The following TRHDE variants were observed in gnomAD, a reference collection of about 807,000 sequenced individuals.
TRHDE encodes thyrotropin-releasing hormone-degrading ectoenzyme.
A neutral mutation model predicts 125.7 loss-of-function variants in TRHDE; 72 were observed. That is an observed-to-expected ratio of 0.57 (90% CI 0.47 to 0.70). TRHDE has a LOEUF of 0.70. Among genes scored for constraint, TRHDE ranks in the 30% least tolerant of loss-of-function variants. The probability of loss-of-function intolerance (pLI) is 0.00; values close to 1 mark genes in which losing one functional copy is unlikely to be tolerated. For missense variants in TRHDE, 1,110 were observed against 1,327.1 expected (o/e 0.84, Z 2.54); for synonymous variants, 509 against 509.1 (o/e 1.00, Z 0.00).
At chr12:72,298,990 GTTGCAGTACAGAGAAGAATCTC>G (rs1015010183) in intron 2 of TRHDE, among the ~76,000 whole-genome samples, 21 of 152,098 alleles carry the variant, frequency 1.4e-4, no homozygotes, top group African/African-American at 5.1e-4. Context: ...CACCAAATGT[GTTGCAGTACAGAGAAGAATCTC>G]TGGGTGACCA....
intron 2 of TRHDE, among the ~76,000 whole-genome samples, chr12:72,192,965 C>G (rs975840780): frequency 1.3e-5 from 2 of 151,882 alleles, no homozygotes; most frequent in African/African-American, 4.8e-5. Context: ...GTATCATTAT[C>G]AAATAAGAAG....
intron 2 of TRHDE, among the ~76,000 whole-genome samples, chr12:72,258,636 C>A (rs1398698431): frequency 6.6e-6 from 1 of 152,100 alleles, no homozygotes; most frequent in Non-Finnish European, 1.5e-5. Context: ...CTCCCAGAGA[C>A]CCGATTCAAG....
At chr12:72,390,300 C>T (rs1872571009) in intron 3 of TRHDE, among the ~76,000 whole-genome samples, 1 of 152,136 alleles carries the variant, frequency 6.6e-6, no homozygotes, top group Non-Finnish European at 1.5e-5. Flanking sequence ...TGAGTTGCTT[C>T]CTTCACTGGC....
At chr12:72,224,091 C>CATCTATCATCT (rs1878057637) in intron 2 of TRHDE, among the ~76,000 whole-genome samples, 1 of 50,252 alleles carries the variant, frequency 2.0e-5, no homozygotes, top group African/African-American at 9.7e-5. Context: ...TCTATCTATC[C>CATCTATCATCT]ATCTATCTAT....
At chr12:72,318,348 G>A (rs915459260) in intron 2 of TRHDE, among the ~76,000 whole-genome samples, 1 of 152,176 alleles carries the variant, frequency 6.6e-6, no homozygotes, top group African/African-American at 2.4e-5. Flanking sequence ...AGGCAGATAA[G>A]TGCAGGCATA....
intron 2 of TRHDE, among the ~76,000 whole-genome samples, chr12:72,216,363 G>C (rs1011517953): frequency 1.3e-5 from 2 of 152,134 alleles, no homozygotes; most frequent in African/African-American, 2.4e-5. Context: ...GGTAGATGTA[G>C]GGCTAGCATT....
intron 2 of TRHDE, among the ~76,000 whole-genome samples, chr12:72,148,836 G>A (rs73349013): frequency 6.6e-6 from 1 of 152,132 alleles, no homozygotes; most frequent in Non-Finnish European, 1.5e-5. Flanking sequence ...AACTTGTTTT[G>A]TGAAAGCGAC....
chr12:72,595,579 TATA>T (rs1384769271), intron 12 of TRHDE, among the ~76,000 whole-genome samples: 1 of 152,156 alleles, frequency 6.6e-6, no homozygotes, highest in African/African-American at 2.4e-5. Flanking sequence ...TTTTTAAAAA[TATA>T]ATTGTTCCCT....
At chr12:72,647,920 C>G (rs968590415) in intron 15 of TRHDE, among the ~76,000 whole-genome samples, 2 of 152,096 alleles carry the variant, frequency 1.3e-5, no homozygotes, top group African/African-American at 4.8e-5. Flanking sequence ...ATGTTACCAG[C>G]ATCACCCTGG....
intron 2 of TRHDE, among the ~76,000 whole-genome samples, chr12:72,188,712 T>A (rs2139347208): frequency 6.6e-6 from 1 of 152,344 alleles, no homozygotes; most frequent in South Asian, 2.1e-4. Context: ...GAAATCTGAT[T>A]TTTTTTGTAT....
chr12:72,258,037 G>C (rs1423169460), intron 2 of TRHDE: 2 of 152,060 alleles, frequency 1.3e-5, no homozygotes, highest in Non-Finnish European at 2.9e-5. Flanking sequence ...GGGTGCAGAA[G>C]GGTAAATGTA....
Position 72,285,516 on chromosome 12 carries a change from T to C in TRHDE, c.915-1165T>C, listed in dbSNP as rs375766629. Among the ~76,000 whole-genome samples the C allele has an allele frequency of 4.0e-4, 56 of 139,000 alleles. 3 individuals carry two copies. The highest frequency in any genetic ancestry group is 4.9e-4 in the East Asian group (2 of 4,058). 91.2% of individuals were successfully genotyped at this position (139,000 alleles called of 152,430 possible). A position where few individuals can be genotyped will look rare whatever the true frequency, so the allele number is the denominator to read the frequency against. On this transcript the variant is annotated intron_variant, in intron 1 of 18. Coordinates refer to ENST00000261180, the MANE Select transcript of TRHDE (RefSeq NM_013381.3). ...TAGAAGAGTGTCTGAGTGTCCTTTT[T>C]TTCTTCTTTTTTTTTTTTTTTTTGA...
At chr12:72,508,820 C>G (rs1348189466) in intron 6 of TRHDE, among the ~76,000 whole-genome samples, 1 of 152,100 alleles carries the variant, frequency 6.6e-6, no homozygotes, top group Non-Finnish European at 1.5e-5. Flanking sequence ...GGATTTCCCC[C>G]TTGCTGTTCT....
rs2139428107 is a variant in TRHDE at position 72,286,804 on chromosome 12, A to T, written c.1038A>T (p.Leu346Phe). ...AGCATCAAGCAACCTATTTATCTTTATCTAATATGCCAGTGGAAACTTCCG... is the reference window on the plus strand; with the variant it reads ...AGCATCAAGCAACCTATTTATCTTTTTCTAATATGCCAGTGGAAACTTCCG... ...SIKHQATYLS[L>F]SNMPVETSVF... The change falls in exon 2 of 19, where the codon TTA (leucine) becomes TTT (phenylalanine). Residue 346 changes from leucine to phenylalanine, a missense_variant. Transcript: ENST00000261180. The T allele has an allele frequency of 6.2e-7, 1 of 1,613,866 alleles. No homozygotes were observed.
chr12:72,556,949 A>C (rs1447451609), intron 7 of TRHDE, among the ~76,000 whole-genome samples: 1 of 152,150 alleles, frequency 6.6e-6, no homozygotes, highest in South Asian at 2.1e-4. Context: ...CACTGGAGAA[A>C]GCACTATTGG....
At chr12:72,421,108 C>T (rs776604263) in intron 3 of TRHDE, among the ~76,000 whole-genome samples, 19 of 152,106 alleles carry the variant, frequency 1.2e-4, no homozygotes, top group East Asian at 5.8e-4. Context: ...CTAGGTTGAA[C>T]GTTCCAGTTA....
chr12:72,134,194 T>C (rs941867168), intron 2 of TRHDE, among the ~76,000 whole-genome samples: 2 of 152,174 alleles, frequency 1.3e-5, no homozygotes, highest in African/African-American at 4.8e-5. Flanking sequence ...ACTAATTTCA[T>C]TGTCCTTGGT....
At chr12:72,496,926 A>G (rs111542588) in intron 5 of TRHDE, among the ~76,000 whole-genome samples, 28 of 150,910 alleles carry the variant, frequency 1.9e-4, no homozygotes, top group African/African-American at 6.6e-4. Context: ...TCTGCTGGAA[A>G]CTCTTTGCAA....
At chr12:72,502,490 A>G (rs1878197681) in intron 6 of TRHDE, among the ~76,000 whole-genome samples, 1 of 152,064 alleles carries the variant, frequency 6.6e-6, no homozygotes, top group South Asian at 2.1e-4. Flanking sequence ...TTCATTTCTT[A>G]TTTAATTTTA....
Sources: allele counts gnomAD v4.1 joint callset (sites outside exome capture counted in the v4.1 genomes callset), GRCh38; gene constraint gnomAD v4.1.1; transcripts MANE v1.5; gene names NCBI Gene and HGNC (gene_info 2026-07-23, HGNC 2026-07-21).